Variants in TLK2 observed in about 807,000 individuals in gnomAD.
TLK2 encodes serine/threonine-protein kinase tousled-like 2.
In TLK2, 6 loss-of-function variants were observed where a neutral mutation model predicts 117.3. That is an observed-to-expected ratio of 0.05 (90% confidence interval 0.03 to 0.10). The LOEUF (loss-of-function observed/expected upper bound fraction) is 0.10. Ranked by LOEUF, TLK2 falls within the 10% of genes least tolerant of loss-of-function variation. The pLI is 1.00. For missense variants in TLK2, 299 were observed against 901.2 expected, an observed-to-expected ratio of 0.33 and a Z score of 8.56; for synonymous variants, 257 against 316.7, an observed-to-expected ratio of 0.81 and a Z score of 2.00.
intron 20 of TLK2, among the ~76,000 whole-genome samples, chr17:62,607,669 T>C (rs538023868): frequency 6.6e-6 from 1 of 152,300 alleles, no homozygotes. Flanking sequence ...TGAGTTGGCC[T>C]GAGGCACAGG....
At chr17:62,517,588 G>A (rs2075705813) in intron 2 of TLK2, among the ~76,000 whole-genome samples, 1 of 151,796 alleles carries the variant, frequency 6.6e-6, no homozygotes, top group Middle Eastern at 3.4e-3. Flanking sequence ...TAGAGACGGG[G>A]TTTCACCGTG....
intron 15 of TLK2, among the ~76,000 whole-genome samples, chr17:62,584,915 G>T (rs1015031884): frequency 6.6e-6 from 1 of 152,168 alleles, no homozygotes; most frequent in Non-Finnish European, 1.5e-5. Context: ...GTGGAAATTA[G>T]CAGATGGGTG....
At chr17:62,604,224 C>G (rs1362745657) in intron 19 of TLK2, among the ~76,000 whole-genome samples, 1 of 151,986 alleles carries the variant, frequency 6.6e-6, no homozygotes, top group East Asian at 1.9e-4. Context: ...CCAGGCTAGT[C>G]TTGAACTCCT....
At chr17:62,476,974 C>T (rs2071066856), upstream of TLK2, among the ~76,000 whole-genome samples, 1 of 151,924 alleles carries the variant, frequency 6.6e-6, no homozygotes, top group Non-Finnish European at 1.5e-5. Context: ...CCTGTAATCC[C>T]GGCTACTCAG....
chr17:62,599,883 G>A (rs1235018862), intron 17 of TLK2, among the ~76,000 whole-genome samples: 1 of 152,126 alleles, frequency 6.6e-6, no homozygotes, highest in African/African-American at 2.4e-5. Context: ...AGAGTATAAT[G>A]CCTTGGAAGA....
chr17:62,549,562 T>G (rs2078275442), intron 7 of TLK2, among the ~76,000 whole-genome samples: 1 of 151,690 alleles, frequency 6.6e-6, no homozygotes, highest in Admixed American at 6.6e-5. Context: ...ATGATGACCC[T>G]TAATTAGTAA....
intron 11 of TLK2, among the ~76,000 whole-genome samples, chr17:62,565,426 G>A (rs946249884): frequency 8.6e-5 from 13 of 151,638 alleles, no homozygotes; most frequent in Non-Finnish European, 1.3e-4. Flanking sequence ...AGGCCGAGGC[G>A]GGTGGATCAT....
At chr17:62,590,023 G>A (rs1182875818) in intron 16 of TLK2, among the ~76,000 whole-genome samples, 2 of 150,686 alleles carry the variant, frequency 1.3e-5, no homozygotes, top group Non-Finnish European at 3.0e-5. Context: ...TAGCCAGGAT[G>A]GTCTCGATCT....
chr17:62,516,479 T>C, intron 2 of TLK2: 1 of 1,604,806 alleles, frequency 6.2e-7, no homozygotes, highest in South Asian at 1.1e-5. Flanking sequence ...TCTGGACGGC[T>C]ACGGCGTAGG....
chr17:62,611,517 C>T (rs1235773140), intron 21 of TLK2, among the ~76,000 whole-genome samples: 2 of 152,196 alleles, frequency 1.3e-5, no homozygotes, highest in Non-Finnish European at 2.9e-5. Context: ...ACAGCCTCCG[C>T]ATCGATATCC....
At chr17:62,562,793 AG>A (rs1473747758) in intron 10 of TLK2, among the ~76,000 whole-genome samples, 1 of 152,184 alleles carries the variant, frequency 6.6e-6, no homozygotes, top group Non-Finnish European at 1.5e-5. Context: ...GTGATCCAGC[AG>A]TTCCTCTCCT....
chr17:62,584,404 C>T lies in TLK2; in HGVS notation c.1369-1731C>T, dbSNP rs572257492. Among the ~76,000 whole-genome samples, 145 of 152,124 alleles carry T rather than the reference C, an allele frequency of 9.5e-4. 1 individual carries two copies. The highest frequency in any genetic ancestry group is 1.8e-3 in the Non-Finnish European group (120 of 68,004). ...TGCTGAGATTACAGGTGTGAGCCATCGCGCCCGGCTTATTTAATGTTTTTA... is the reference window on the plus strand; with the variant it reads ...TGCTGAGATTACAGGTGTGAGCCATTGCGCCCGGCTTATTTAATGTTTTTA... On this transcript the variant is annotated intron_variant, in intron 15 of 21. Transcript: ENST00000346027.
At chr17:62,478,563 T>C (rs1415022482), upstream of TLK2, among the ~76,000 whole-genome samples, 1 of 149,686 alleles carries the variant, frequency 6.7e-6, no homozygotes, top group African/African-American at 2.4e-5. Flanking sequence ...GCGCCGCCCG[T>C]CGCCCGCCCT....
intron 17 of TLK2, among the ~76,000 whole-genome samples, chr17:62,599,626 C>T (rs143537109): frequency 8.7e-4 from 132 of 152,300 alleles, no homozygotes; most frequent in African/African-American, 2.8e-3. Context: ...GGCCTGCTTG[C>T]CTGAGGGTGC....
chr17:62,562,995 G>C (rs1366087485), intron 10 of TLK2, among the ~76,000 whole-genome samples: 1 of 152,146 alleles, frequency 6.6e-6, no homozygotes, highest in Non-Finnish European at 1.5e-5. Context: ...AAAAGTACTT[G>C]TATGAGAATA....
At chr17:62,537,884 A>G (rs2077219579) in intron 7 of TLK2, among the ~76,000 whole-genome samples, 2 of 152,132 alleles carry the variant, frequency 1.3e-5, no homozygotes, top group African/African-American at 2.4e-5. Context: ...ATTGACCTAT[A>G]TAATATTGTG....
chr17:62,571,239 C>G (rs1353799254), intron 11 of TLK2, among the ~76,000 whole-genome samples: 2 of 152,182 alleles, frequency 1.3e-5, no homozygotes, highest in Non-Finnish European at 2.9e-5. Flanking sequence ...ATGCTCAAGT[C>G]CCTGATATAA....
intron 9 of TLK2, among the ~76,000 whole-genome samples, chr17:62,558,161 T>C (rs1254873200): frequency 6.6e-6 from 1 of 151,982 alleles, no homozygotes; most frequent in Non-Finnish European, 1.5e-5. Flanking sequence ...TGCTTTTTTT[T>C]TTTCTTTTTT....
At chr17:62,498,969 C>T (rs2144904320) in intron 2 of TLK2, among the ~76,000 whole-genome samples, 1 of 152,184 alleles carries the variant, frequency 6.6e-6, no homozygotes, top group East Asian at 1.9e-4. Flanking sequence ...CTCACGAGAC[C>T]CTCCCACCTC....
Sources: gnomAD v4.1 joint callset for allele counts (sites outside exome capture counted in the v4.1 genomes callset) on GRCh38, gnomAD v4.1.1 for gene constraint, MANE v1.5 for transcripts, NCBI Gene and HGNC (gene_info 2026-07-23, HGNC 2026-07-21) for gene names.